Variants in IQCH observed in about 807,000 individuals in gnomAD.
The protein encoded by IQCH is IQ domain-containing protein H.
Under a neutral mutation model 117.0 loss-of-function variants are expected in IQCH, and 98 were observed. The observed-to-expected ratio is 0.84, with a 90% confidence interval of 0.71 to 0.99. The LOEUF (loss-of-function observed/expected upper bound fraction) is 0.99, where lower values mean the gene tolerates loss of function less well. IQCH is among the 50% of genes least tolerant of loss of function. IQCH has a pLI of 0.00. For missense variants in IQCH, 1,102 were observed against 1,243.8 expected, an observed-to-expected ratio of 0.89 and a Z score of 1.72; for synonymous variants, 412 against 448.2, an observed-to-expected ratio of 0.92 and a Z score of 1.02.
chr15:67,279,667 C>T (rs1025215354), intron 4 of IQCH, among the ~76,000 whole-genome samples, 155 bp downstream of exon 4: 3 of 152,134 alleles, frequency 2.0e-5, no homozygotes, highest in African/African-American at 4.8e-5. Flanking sequence ...GATTGCACTA[C>T]TCTGTGAATA....
At chr15:67,419,698 C>G (rs934228468) in intron 15 of IQCH, among the ~76,000 whole-genome samples, 2 of 152,092 alleles carry the variant, frequency 1.3e-5, no homozygotes, top group Non-Finnish European at 2.9e-5. Flanking sequence ...GTACTACAGG[C>G]GCACACCCCC....
In IQCH at chr15:67,458,166, T is replaced by A. The variant is rs570124665; in HGVS notation, c.2506-6961T>A. Among the ~76,000 whole-genome samples, 2 of 152,334 alleles carry A rather than the reference T, an allele frequency of 1.3e-5. No homozygotes were observed. Among genetic ancestry groups the A allele is most frequent in the East Asian group, 3.9e-4 (2 of 5,192 alleles). On this transcript the variant is annotated intron_variant, in intron 16 of 20. Transcript: ENST00000335894. The surrounding 1 kb of genome is among the most constrained non-coding windows in gnomAD (Gnocchi z 4.1). ...GCCTGAGATTTCAACCCACCCTCTA[T>A]AACATGCTGTAACAAAGGCATCTCA...
chr15:67,354,126 A>G (rs1969787405), intron 6 of IQCH, among the ~76,000 whole-genome samples: 1 of 152,204 alleles, frequency 6.6e-6, no homozygotes, highest in African/African-American at 2.4e-5. Context: ...GATTTTATGG[A>G]GCTATTGTAA....
chr15:67,280,858 A>ATTG (rs1286482395), intron 4 of IQCH, among the ~76,000 whole-genome samples: 1 of 151,656 alleles, frequency 6.6e-6, no homozygotes, highest in Non-Finnish European at 1.5e-5. Flanking sequence ...TATTATTATT[A>ATTG]TTATTAAGAT....
rs1965529855 is a variant in IQCH, at chr15:67,263,189, G to A, written c.242G>A (p.Ser81Asn). 3 of 1,568,984 alleles carry A rather than the reference G, an allele frequency of 1.9e-6. 1 individual carries two copies. Among genetic ancestry groups the A allele is most frequent in the South Asian group, 2.2e-5 (2 of 89,972 alleles). ...NVLTTSVNDE[S>N]LYTPQASKWL... ...TTAACGACTTCTGTTAATGATGAGA[G>A]CTTATATACTCCCCAGGCTTCCAAA... The change falls in exon 3 of 21, where the codon AGC (serine) becomes AAC (asparagine). Residue 81 changes from serine (S) to asparagine (N), a missense_variant. Ser to Asn is a conservative substitution (Grantham distance 46). This residue lies in a region of IQCH where 452 missense variants were observed against 449.6 expected (regional missense o/e 1.01). Transcript: ENST00000335894.
chr15:67,333,788 G>T (rs1368324311), intron 4 of IQCH, among the ~76,000 whole-genome samples: 5 of 152,112 alleles, frequency 3.3e-5, no homozygotes, highest in Admixed American at 6.6e-5. Context: ...AGGGTGCAGT[G>T]GTTCACACCT....
At chr15:67,461,583 CA>C (rs1384707862) in intron 16 of IQCH, among the ~76,000 whole-genome samples, 1 of 152,238 alleles carries the variant, frequency 6.6e-6, no homozygotes, top group Non-Finnish European at 1.5e-5. Flanking sequence ...GCAAATCAGG[CA>C]AGCCTGCTGT....
chr15:67,314,471 C>A (rs1596160679), intron 4 of IQCH, among the ~76,000 whole-genome samples: 2 of 114,306 alleles, frequency 1.7e-5, no homozygotes, highest in African/African-American at 7.0e-5. Flanking sequence ...CTTATCATCT[C>A]TTTGTGCTAA....
chr15:67,298,530 T>G (rs1363893086), intron 4 of IQCH, among the ~76,000 whole-genome samples: 1 of 151,538 alleles, frequency 6.6e-6, no homozygotes, highest in Non-Finnish European at 1.5e-5. Context: ...GGAATGTAAA[T>G]TAATACAACC....
Position 67,500,871 on chromosome 15 carries a change from C to G in IQCH, c.*125C>G, listed in dbSNP as rs1481740059. ...TTGTGTGCTAGGAGGTGAATCAGAA[C>G]AGATTATAATGAAATGCTCTTTTTA... On this transcript the variant is annotated 3_prime_UTR_variant, in exon 21 of 21. Transcript: ENST00000335894. The surrounding 1 kb of genome is among the most constrained non-coding windows in gnomAD (Gnocchi z 4.4). 4.1e-6 allele frequency: 2 copies of G among 492,060 alleles called. No homozygotes were observed. Among genetic ancestry groups the G allele is most frequent in the Non-Finnish European group, 7.4e-6 (2 of 271,396 alleles). The allele number at this position is 492,060 out of a possible 1,614,324, so 30.5% of individuals were successfully genotyped here.
At chr15:67,281,874 C>T (rs1378031130) in intron 4 of IQCH, 1 of 412,410 alleles carries the variant, frequency 2.4e-6, no homozygotes, top group South Asian at 1.8e-5. Context: ...AGAGTGTGCT[C>T]ATCTGCATGT....
chr15:67,329,966 G>C (rs1183471575), intron 4 of IQCH, among the ~76,000 whole-genome samples: 1 of 152,094 alleles, frequency 6.6e-6, no homozygotes, highest in Non-Finnish European at 1.5e-5. Flanking sequence ...AACAGTTTGA[G>C]CATAGAAGTT....
intron 4 of IQCH, among the ~76,000 whole-genome samples, chr15:67,285,366 C>T (rs1444169910): frequency 2.6e-5 from 4 of 151,754 alleles, no homozygotes; most frequent in Admixed American, 1.3e-4. Flanking sequence ...ACATAGTTTG[C>T]GAAAATTTTC....
chr15:67,300,909 A>G (rs969400266), intron 4 of IQCH, among the ~76,000 whole-genome samples: 16 of 152,204 alleles, frequency 1.1e-4, no homozygotes, highest in Non-Finnish European at 5.9e-5. Context: ...AGAATCACTG[A>G]TGAGATGAAA....
At chr15:67,372,895 C>T (rs554984638) in intron 9 of IQCH, among the ~76,000 whole-genome samples, 1 of 151,306 alleles carries the variant, frequency 6.6e-6, no homozygotes, top group Middle Eastern at 3.4e-3. Flanking sequence ...AAATCTGTTG[C>T]AATTTTTCTA....
intron 20 of IQCH, among the ~76,000 whole-genome samples, chr15:67,497,641 G>A (rs545064215): frequency 1.3e-5 from 2 of 151,986 alleles, no homozygotes; most frequent in Non-Finnish European, 2.9e-5. Flanking sequence ...TTACAAGCAC[G>A]CACCACCATG....
In IQCH at chr15:67,279,406, C is replaced by T. The variant is rs761970153; in HGVS notation, c.281C>T (p.Thr94Ile). The T allele has an allele frequency of 8.2e-6, 13 of 1,583,522 alleles. No homozygotes were observed. Among genetic ancestry groups the T allele is most frequent in the Non-Finnish European group, 1.1e-5 (13 of 1,155,204 alleles). ...TTCTTCTTACTTAGGTTACTTCCAA[C>T]TGTAATTGATCAGAAATCATTTATT... Reference protein sequence around the residue: ...TPQASKWLLPTVIDQKSFIFP... With the variant: ...TPQASKWLLPIVIDQKSFIFP... Residue 94 changes from threonine to isoleucine, a missense_variant, in exon 4 of 21, where the codon ACT (threonine) becomes ATT (isoleucine). By Grantham distance (89) the Thr-to-Ile change is moderately conservative. Transcript: ENST00000335894.
intron 13 of IQCH, 106 bp from the exon 14 acceptor site, chr15:67,400,008 A>G (rs1971590362): frequency 2.5e-6 from 2 of 798,738 alleles, no homozygotes; most frequent in Non-Finnish European, 4.1e-6. Context: ...TGAACAGACC[A>G]TTAGAAGTAA....
chr15:67,310,283 G>T (rs1416431297), intron 4 of IQCH, among the ~76,000 whole-genome samples: 1 of 151,912 alleles, frequency 6.6e-6, no homozygotes, highest in African/African-American at 2.4e-5. Context: ...ATCGTCAGTG[G>T]GTTAATTTGT....
Sources: allele counts gnomAD v4.1 joint callset (sites outside exome capture counted in the v4.1 genomes callset), GRCh38; gene constraint gnomAD v4.1.1; regional missense constraint gnomAD v4.1.1; non-coding constraint Gnocchi (gnomAD v3.1); transcripts MANE v1.5; gene names NCBI Gene and HGNC (gene_info 2026-07-23, HGNC 2026-07-21).